Variants in RARA observed in about 807,000 individuals in gnomAD.
RARA encodes the protein PML-DDX5-RARA fusion.
Under a neutral mutation model 42.8 loss-of-function variants are expected in RARA, and 5 were observed. That is an observed-to-expected ratio of 0.12 (90% confidence interval 0.06 to 0.25). The LOEUF (loss-of-function observed/expected upper bound fraction) is 0.25, where lower values mean the gene tolerates loss of function less well. Ranked by LOEUF, RARA falls within the 10% of genes least tolerant of loss-of-function variation. The pLI is 1.00. For missense variants in RARA, 402 were observed against 628.7 expected, an observed-to-expected ratio of 0.64 and a Z score of 3.86; for synonymous variants, 256 against 259.5, an observed-to-expected ratio of 0.99 and a Z score of 0.13.
intron 2 of RARA, chr17:40,341,385 C>A: frequency 2.1e-6 from 3 of 1,461,720 alleles, no homozygotes; most frequent in East Asian, 3.0e-5. Flanking sequence ...CGGCCGGAGT[C>A]ACACATGATG....
At chr17:40,322,553 C>T (rs2033420589) in intron 1 of RARA, among the ~76,000 whole-genome samples, 1 of 152,120 alleles carries the variant, frequency 6.6e-6, no homozygotes, top group Non-Finnish European at 1.5e-5. Context: ...GTGGCTTTAT[C>T]CCGGCCCTCC....
At position 40,355,034 on chromosome 17, in the gene RARA, C is replaced by T. The variant is rs1325278873; in HGVS notation, c.1013-229C>T. Among the ~76,000 whole-genome samples the T allele has an allele frequency of 2.0e-5, 3 of 152,204 alleles. No homozygotes were observed. On this transcript the variant is annotated intron_variant, in intron 7 of 8. Transcript: ENST00000254066. This position sits in a 1 kb window ranked among gnomAD's most constrained non-coding sequence, Gnocchi z 4.1. Reference sequence around the variant, plus strand: ...ACTGCCCATTTGGGGTCCCATCCCACTAACTGGGCTCAGGGAGGGTTTGGG... The same window carrying T: ...ACTGCCCATTTGGGGTCCCATCCCATTAACTGGGCTCAGGGAGGGTTTGGG...
rs780629597 is a variant in RARA, at chr17:40,356,077, T to C, written c.1240T>C (p.Leu414=). The C allele has an allele frequency of 6.0e-6, 9 of 1,497,698 alleles. No homozygotes were observed. The highest frequency in any genetic ancestry group is 4.4e-5 in the African/African-American group (3 of 68,482). The allele number at this position is 1,497,698 out of a possible 1,614,324, so 92.8% of individuals were successfully genotyped here. Reference sequence around the variant, plus strand: ...CATGCCGCCTCTCATCCAGGAAATGTTGGAGAACTCAGAGGGCCTGGACAC... The same window carrying C: ...CATGCCGCCTCTCATCCAGGAAATGCTGGAGAACTCAGAGGGCCTGGACAC... ...GSMPPLIQEM[L]ENSEGLDTLS... Residue 414 remains leucine, a synonymous_variant, in exon 9 of 9, where the codon TTG becomes CTG. Transcript: ENST00000254066.
intron 1 of RARA, among the ~76,000 whole-genome samples, chr17:40,323,708 C>T (rs566823056): frequency 1.2e-5 from 1 of 81,940 alleles, no homozygotes; most frequent in African/African-American, 5.1e-5. Flanking sequence ...ACTGAGTAGG[C>T]GGGTGTGGAG....
In RARA at chr17:40,354,606, C is replaced by G. The variant is rs2034555937; in HGVS notation, c.1012+100C>G. ...TTCAGGCCACCTCTGTTAGGTATCTCTAGAGGGCAGGGTCTGGTCTGCAAC... is the reference window on the plus strand; with the variant it reads ...TTCAGGCCACCTCTGTTAGGTATCTGTAGAGGGCAGGGTCTGGTCTGCAAC... On this transcript the variant is annotated intron_variant, in intron 7 of 8. Transcript: ENST00000254066. The surrounding 1 kb of genome is among the most constrained non-coding windows in gnomAD (Gnocchi z 4.5). 1 of 1,382,138 alleles carries G rather than the reference C, an allele frequency of 7.2e-7. No homozygotes were observed. The highest frequency in any genetic ancestry group is 9.8e-7 in the Non-Finnish European group (1 of 1,016,186). 85.6% of individuals were successfully genotyped at this position (1,382,138 alleles called of 1,614,324 possible).
rs28587471 is a variant in RARA at position 40,315,134 on chromosome 17, A to T, written c.-363+5848A>T. Among the ~76,000 whole-genome samples the T allele has an allele frequency of 3.3e-3, 119 of 35,600 alleles. 2 individuals are homozygous for T. The highest frequency in any genetic ancestry group is 0.01 in the African/African-American group (109 of 10,850). The allele number at this position is 35,600 out of a possible 152,430, so 23.4% of individuals were successfully genotyped here. ...TATATATATATATGCTTATATGTGT[A>T]TATATATATATATATATATATATAT... On this transcript the variant is annotated intron_variant, in intron 1 of 8. Transcript: ENST00000254066.
intron 2 of RARA, among the ~76,000 whole-genome samples, chr17:40,331,771 T>C (rs1280195787): frequency 6.6e-6 from 1 of 152,160 alleles, no homozygotes; most frequent in Non-Finnish European, 1.5e-5. Context: ...ATGGCAGCTC[T>C]ACCTAGAGTG....
In RARA at chr17:40,356,249, G is replaced by A. The variant is rs1195498519; in HGVS notation, c.*23G>A. 2.6e-6 allele frequency: 4 copies of A among 1,545,138 alleles called. No homozygotes were observed. In the African/African-American group the frequency reaches 5.5e-5, roughly 21 times the overall value. On this transcript the variant is annotated 3_prime_UTR_variant, in exon 9 of 9. Transcript: ENST00000254066. ...TGACCGCCCACGCCACATGGACACA[G>A]CCCTCGCCCTCCGCCCCGGCTTTTC... is the stretch of plus-strand genomic sequence containing the variant.
intron 1 of RARA, among the ~76,000 whole-genome samples, chr17:40,315,711 A>G (rs1019678422): frequency 6.6e-6 from 1 of 151,986 alleles, no homozygotes; most frequent in Non-Finnish European, 1.5e-5. Flanking sequence ...GGGCCCTCCT[A>G]GGGTGTCTCA....
In RARA at chr17:40,349,891, G is replaced by A. The variant is rs2143474712; in HGVS notation, c.435G>A (p.Leu145=). Residue 145 remains leucine (L), a synonymous_variant, in exon 4 of 9, where the codon CTG becomes CTA. Coordinates refer to ENST00000254066, the MANE Select transcript of RARA (RefSeq NM_000964.4). The part of the protein sequence containing the change: ...VTRNRCQYCR[L]QKCFEVGMSK... ...GGAACCGCTGCCAGTACTGCCGACTGCAGAAGTGCTTTGAAGTGGGCATGT... is the reference window on the plus strand; with the variant it reads ...GGAACCGCTGCCAGTACTGCCGACTACAGAAGTGCTTTGAAGTGGGCATGT... The A allele has an allele frequency of 6.2e-7, 1 of 1,614,242 alleles. No homozygotes were observed. Among genetic ancestry groups the A allele is most frequent in the Non-Finnish European group, 8.5e-7 (1 of 1,180,026 alleles).
At chr17:40,310,077 G>T (rs1481574839) in intron 1 of RARA, among the ~76,000 whole-genome samples, 2 of 152,212 alleles carry the variant, frequency 1.3e-5, no homozygotes, top group Non-Finnish European at 2.9e-5. Context: ...AGGGAAGGGG[G>T]TGTGGACCAG....
rs1408256057 is a variant in RARA, at chr17:40,354,252, C to G, written c.808-50C>G. The G allele has an allele frequency of 5.1e-6, 8 of 1,577,484 alleles. No individual in the cohort carries two copies. The highest frequency in any genetic ancestry group is 1.3e-5 in the African/African-American group (1 of 74,086). Reference sequence around the variant, plus strand: ...GTGCGGAGTGCTGGTGCCGAGTGCTCAGAGTGGGTTCGGGTTCAGTCCCTG... The same window carrying G: ...GTGCGGAGTGCTGGTGCCGAGTGCTGAGAGTGGGTTCGGGTTCAGTCCCTG... On this transcript the variant is annotated intron_variant, in intron 6 of 8. Coordinates refer to ENST00000254066, the MANE Select transcript of RARA (RefSeq NM_000964.4). This position sits in a 1 kb window ranked among gnomAD's most constrained non-coding sequence, Gnocchi z 4.5.
intron 3 of RARA, 124 bp downstream of exon 3, chr17:40,348,588 A>G: frequency 2.2e-5 from 29 of 1,308,118 alleles, no homozygotes; most frequent in Non-Finnish European, 2.8e-5. Flanking sequence ...TTCTCTGTGG[A>G]AGTTGGCAGC....
chr17:40,318,601 C>T (rs992636402), intron 1 of RARA, among the ~76,000 whole-genome samples: 15 of 152,236 alleles, frequency 9.9e-5, no homozygotes, highest in East Asian at 3.8e-4. Context: ...AACTCGCTGC[C>T]GCCGTGTCCA....
At chr17:40,309,626 G>C (rs1310889540) in intron 1 of RARA, among the ~76,000 whole-genome samples, 2 of 152,186 alleles carry the variant, frequency 1.3e-5, no homozygotes, top group African/African-American at 4.8e-5. Context: ...CTAGACTGGA[G>C]AATTGGCAAG....
Position 40,356,269 on chromosome 17 carries a change from C to T in RARA, c.*43C>T. 1 of 1,528,112 alleles carries T rather than the reference C, an allele frequency of 6.5e-7. No homozygotes were observed. The allele number at this position is 1,528,112 out of a possible 1,614,324, so 94.7% of individuals were successfully genotyped here. A position where few individuals can be genotyped will look rare whatever the true frequency, so the allele number is the denominator to read the frequency against. On this transcript the variant is annotated 3_prime_UTR_variant, in exon 9 of 9. Coordinates refer to ENST00000254066, the MANE Select transcript of RARA (RefSeq NM_000964.4). ...ACACAGCCCTCGCCCTCCGCCCCGG[C>T]TTTTCTCTGCCTTTCTACCGACCAT... is the stretch of plus-strand genomic sequence containing the variant.
In RARA at chr17:40,357,310, C is replaced by T. The variant is rs1257257337; in HGVS notation, c.*1084C>T. On this transcript the variant is annotated 3_prime_UTR_variant, in exon 9 of 9. Coordinates refer to ENST00000254066, the MANE Select transcript of RARA (RefSeq NM_000964.4). ...GCCACCAGCACCCCCATAGGGCCCCCAGACACCACACACATGCGCGTGCGC... is the reference window on the plus strand; with the variant it reads ...GCCACCAGCACCCCCATAGGGCCCCTAGACACCACACACATGCGCGTGCGC... 8.5e-6 allele frequency: 2 copies of T among 236,278 alleles called. No homozygotes were observed. The highest frequency in any genetic ancestry group is 1.7e-5 in the Non-Finnish European group (2 of 120,222). 14.6% of individuals were successfully genotyped at this position (236,278 alleles called of 1,614,324 possible).
Position 40,326,995 on chromosome 17 carries a change from G to T in RARA, c.-362-3862G>T, listed in dbSNP as rs565365281. ...CTCCTGCGGCTCAAGGCCCTCCCCA[G>T]GGAGCTGAGTAAATTTGCACTGAAA... On this transcript the variant is annotated intron_variant, in intron 1 of 8. Transcript: ENST00000254066. The surrounding 1 kb of genome is among the most constrained non-coding windows in gnomAD (Gnocchi z 5.2). Among the ~76,000 whole-genome samples, 2 of 152,198 alleles carry T rather than the reference G, an allele frequency of 1.3e-5. No individual in the cohort carries two copies. The highest frequency in any genetic ancestry group is 2.9e-5 in the Non-Finnish European group (2 of 68,030).
chr17:40,313,075 G>A (rs545961943), intron 1 of RARA, among the ~76,000 whole-genome samples: 1 of 152,326 alleles, frequency 6.6e-6, no homozygotes, highest in South Asian at 2.1e-4. Flanking sequence ...AAGGAGGTCA[G>A]AGTTGGGTTT....
Sources: allele counts gnomAD v4.1 joint callset (sites outside exome capture counted in the v4.1 genomes callset), GRCh38; gene constraint gnomAD v4.1.1; non-coding constraint Gnocchi (gnomAD v3.1); transcripts MANE v1.5; gene names NCBI Gene and HGNC (gene_info 2026-07-23, HGNC 2026-07-21).